The following DNAJC15 variants were observed in gnomAD, a reference collection of about 807,000 sequenced individuals.
DNAJC15 encodes the protein DnaJ heat shock protein family (Hsp40) member C15.
DNAJC15 carries 27 observed loss-of-function variants against 22.4 expected under a neutral mutation model. The observed-to-expected ratio is 1.20, with a 90% confidence interval of 0.89 to 1.66. The LOEUF (loss-of-function observed/expected upper bound fraction) is 1.66, where lower values mean the gene tolerates loss of function less well. DNAJC15 is among the 40% of genes most tolerant of loss of function. DNAJC15 has a pLI of 0.00. For missense variants in DNAJC15, 208 were observed against 187.1 expected (o/e 1.11, Z -0.65); for synonymous variants, 79 against 63.2 (o/e 1.25, Z -1.19).
At position 43,034,471 on chromosome 13, in the gene DNAJC15, G is replaced by A. The variant is rs1369570029; in HGVS notation, c.108+10737G>A. Among the ~76,000 whole-genome samples, 450 of 148,722 alleles carry A rather than the reference G, an allele frequency of 3.0e-3. No individual in the cohort carries two copies. The East Asian group carries it at 0.048, about 16-fold the overall frequency. On this transcript the variant is annotated intron_variant, in intron 1 of 5. Coordinates refer to ENST00000379221, the MANE Select transcript of DNAJC15 (RefSeq NM_013238.3). ...GCTGGGACTACAGGTGCCCACCACC[G>A]CGCCCGGCTAATTTTTTGAATTTTT...
At chr13:43,049,329 T>A (rs2040492503) in intron 1 of DNAJC15, among the ~76,000 whole-genome samples, 1 of 152,228 alleles carries the variant, frequency 6.6e-6, no homozygotes, top group Non-Finnish European at 1.5e-5. Flanking sequence ...TAAAAAACAT[T>A]CAAAATAAAA....
intron 1 of DNAJC15, among the ~76,000 whole-genome samples, chr13:43,057,429 G>A (rs1201244269): frequency 6.6e-6 from 1 of 152,018 alleles, no homozygotes; most frequent in Non-Finnish European, 1.5e-5. Flanking sequence ...TCCTAAGTGT[G>A]TCTTTCATTT....
intron 1 of DNAJC15, among the ~76,000 whole-genome samples, chr13:43,025,588 G>T (rs1196935995): frequency 6.6e-6 from 1 of 152,156 alleles, no homozygotes; most frequent in Admixed American, 6.5e-5. Context: ...GAGACATAAA[G>T]GTGAAATATT....
chr13:43,047,483 AAT>A (rs2040483711), intron 1 of DNAJC15, among the ~76,000 whole-genome samples: 1 of 152,216 alleles, frequency 6.6e-6, no homozygotes, highest in African/African-American at 2.4e-5. Flanking sequence ...AAGAGTAAAT[AAT>A]ATGAGAATGA....
chr13:43,050,412 C>T (rs1298006838), intron 1 of DNAJC15, among the ~76,000 whole-genome samples: 1 of 151,954 alleles, frequency 6.6e-6, no homozygotes, highest in Non-Finnish European at 1.5e-5. Context: ...CTCAAGCAAT[C>T]CTTCCACTTC....
At chr13:43,035,125 G>C (rs924335280) in intron 1 of DNAJC15, among the ~76,000 whole-genome samples, 1 of 152,142 alleles carries the variant, frequency 6.6e-6, no homozygotes. Context: ...AAGGACAGTA[G>C]AATTTTTCCC....
At position 43,059,167 on chromosome 13, in the gene DNAJC15, T is replaced by G. The variant is rs185576421; in HGVS notation, c.109-6519T>G. On this transcript the variant is annotated intron_variant, in intron 1 of 5. Coordinates refer to ENST00000379221, the MANE Select transcript of DNAJC15 (RefSeq NM_013238.3). Reference sequence around the variant, plus strand: ...TCCACCGTTTTTTTCTTTTTGTTGTTTTTAAAGGTTACAAGGCCTTTGTTT... The same window carrying G: ...TCCACCGTTTTTTTCTTTTTGTTGTGTTTAAAGGTTACAAGGCCTTTGTTT... Among the ~76,000 whole-genome samples the G allele has an allele frequency of 4.6e-5, 7 of 152,070 alleles. No homozygotes were observed. In the East Asian group the frequency reaches 1.4e-3, roughly 29 times the overall value.
intron 5 of DNAJC15, among the ~76,000 whole-genome samples, chr13:43,099,649 AT>A (rs547484717): frequency 1.9e-4 from 29 of 151,354 alleles, no homozygotes; most frequent in African/African-American, 3.9e-4. Flanking sequence ...CATTATGTGA[AT>A]TTTTTTTTCT....
intron 1 of DNAJC15, among the ~76,000 whole-genome samples, chr13:43,040,532 A>G (rs2040448498): frequency 6.6e-6 from 1 of 152,112 alleles, no homozygotes; most frequent in Admixed American, 6.6e-5. Context: ...TCTGTTTTTA[A>G]CATATTCTAT....
intron 1 of DNAJC15, among the ~76,000 whole-genome samples, chr13:43,042,778 G>A (rs751369680): frequency 3.9e-5 from 6 of 152,140 alleles, no homozygotes; most frequent in Admixed American, 1.3e-4. Context: ...CAAATGATTG[G>A]TCCATATAGA....
At chr13:43,027,963 A>AT (rs895843122) in intron 1 of DNAJC15, among the ~76,000 whole-genome samples, 22 of 152,198 alleles carry the variant, frequency 1.4e-4, no homozygotes, top group Middle Eastern at 6.8e-3. Flanking sequence ...GGCCTAACTG[A>AT]TTCTTTCCCA....
intron 1 of DNAJC15, among the ~76,000 whole-genome samples, chr13:43,056,305 A>AT (rs1215731669): frequency 6.6e-6 from 1 of 151,844 alleles, no homozygotes; most frequent in Admixed American, 6.6e-5. Flanking sequence ...CGCCTGGCTA[A>AT]TTTTGTATTT....
intron 1 of DNAJC15, among the ~76,000 whole-genome samples, chr13:43,025,823 G>GT (rs1179080806): frequency 2.6e-5 from 4 of 152,172 alleles, no homozygotes; most frequent in African/African-American, 9.7e-5. Flanking sequence ...AGAATTGCTT[G>GT]AACCCAGGGG....
At chr13:43,101,207 TAATAG>T (rs1363993789) in intron 5 of DNAJC15, among the ~76,000 whole-genome samples, 6 of 152,202 alleles carry the variant, frequency 3.9e-5, no homozygotes, top group Non-Finnish European at 7.3e-5. Context: ...CTTCAATTTT[TAATAG>T]AAACAGGGTC....
At chr13:43,052,259 A>G (rs1221923134) in intron 1 of DNAJC15, among the ~76,000 whole-genome samples, 1 of 151,980 alleles carries the variant, frequency 6.6e-6, no homozygotes, top group Non-Finnish European at 1.5e-5. Context: ...CACCACGCCC[A>G]GCCTATTTTT....
At position 43,108,855 on chromosome 13, in the gene DNAJC15, T is replaced by G. The variant is rs867821651; in HGVS notation, c.*1607T>G. 6.6e-6 allele frequency: 1 copy of G among 152,234 alleles called. No homozygotes were observed. Among genetic ancestry groups the G allele is most frequent in the African/African-American group, 2.4e-5 (1 of 41,464 alleles). The allele number at this position is 152,234 out of a possible 1,614,324, so 9.4% of individuals were successfully genotyped here. Reference sequence around the variant, plus strand: ...GGTTTATAAAATAATGATCCTGAATTAAATTGATGGAACCTTGAAGTCGAT... The same window carrying G: ...GGTTTATAAAATAATGATCCTGAATGAAATTGATGGAACCTTGAAGTCGAT... On this transcript the variant is annotated 3_prime_UTR_variant, in exon 6 of 6. Coordinates refer to ENST00000379221, the MANE Select transcript of DNAJC15 (RefSeq NM_013238.3).
intron 5 of DNAJC15, among the ~76,000 whole-genome samples, chr13:43,097,630 A>G (rs776237081): frequency 2.6e-5 from 4 of 151,648 alleles, no homozygotes; most frequent in Non-Finnish European, 2.9e-5. Flanking sequence ...GTAGTAGAGG[A>G]GGTAAAGGGG....
chr13:43,101,719 A>T (rs1566218104), intron 5 of DNAJC15, among the ~76,000 whole-genome samples: 1 of 152,238 alleles, frequency 6.6e-6, no homozygotes, highest in Non-Finnish European at 1.5e-5. Context: ...TTTGCATAGA[A>T]TAATGGTCTC....
chr13:43,065,802 T>G, intron 2 of DNAJC15, 65 bp downstream of exon 2: 1 of 1,416,848 alleles, frequency 7.1e-7, no homozygotes, highest in Non-Finnish European at 9.9e-7. Context: ...TCTACAGTGA[T>G]TCATGAGTAG....
Sources: allele counts gnomAD v4.1 joint callset (sites outside exome capture counted in the v4.1 genomes callset), GRCh38; gene constraint gnomAD v4.1.1; transcripts MANE v1.5; gene names NCBI Gene and HGNC (gene_info 2026-07-23, HGNC 2026-07-21).